The following COMMD1 variants were observed in gnomAD, a reference collection of about 807,000 sequenced individuals.
COMMD1 encodes the protein copper metabolism domain containing 1, also known as COMM domain-containing protein 1.
In COMMD1, 10 loss-of-function variants were observed where a neutral mutation model predicts 17.2. The ratio of observed to expected loss-of-function variants is 0.58; its 90% CI spans 0.36 to 0.99. The LOEUF is 0.99. Among genes scored for constraint, COMMD1 ranks in the 50% least tolerant of loss-of-function variants. The pLI is 0.01. For synonymous variants in COMMD1, 97 were observed against 91.6 expected (o/e 1.06, Z -0.34); for missense variants, 270 against 231.8 (o/e 1.17, Z -1.07).
Position 61,905,754 on chromosome 2 carries a change from G to C in COMMD1, c.76G>C (p.Gly26Arg), listed in dbSNP as rs1176138717. 2 of 1,613,868 alleles carry C rather than the reference G, an allele frequency of 1.2e-6. No individual in the cohort carries two copies. Among genetic ancestry groups the C allele is most frequent in the East Asian group, 2.2e-5 (1 of 44,886 alleles). ...TGCGCTGGCCCAGGACACTTTCCAC[G>C]GGTACCCCGGCATCACAGAGGAGCT... ...LNALAQDTFH[G>R]YPGITEELLR... The change falls in exon 1 of 3, where the codon GGG becomes CGG. Residue 26 changes from glycine (G) to arginine (R), a missense_variant. Physicochemically the swap from Gly to Arg is moderately radical, Grantham distance 125. Coordinates refer to ENST00000311832, the MANE Select transcript of COMMD1 (RefSeq NM_152516.4).
At chr2:62,117,486 G>C (rs974741768) in intron 2 of COMMD1, among the ~76,000 whole-genome samples, 1 of 152,194 alleles carries the variant, frequency 6.6e-6, no homozygotes, top group Non-Finnish European at 1.5e-5. Context: ...TAAGTGCTCA[G>C]GTCCTGAAGC....
At chr2:61,968,414 A>G (rs1360623253) in intron 1 of COMMD1, among the ~76,000 whole-genome samples, 1 of 152,254 alleles carries the variant, frequency 6.6e-6, no homozygotes, top group East Asian at 1.9e-4. Context: ...CCCAGAGAAT[A>G]CATTTGAAAC....
At chr2:61,906,429 A>G (rs1258446801) in intron 1 of COMMD1, among the ~76,000 whole-genome samples, 2 of 152,260 alleles carry the variant, frequency 1.3e-5, no homozygotes, top group African/African-American at 4.8e-5. Flanking sequence ...CAGAATAGCC[A>G]AAGTATTATC....
intron 1 of COMMD1, among the ~76,000 whole-genome samples, chr2:61,890,566 C>G (rs764055906): frequency 1.7e-4 from 26 of 152,030 alleles, no homozygotes; most frequent in Non-Finnish European, 3.5e-4. Flanking sequence ...AGGGGCCTGG[C>G]TCAGTAGCTC....
chr2:62,076,377 A>T (rs908942190), intron 2 of COMMD1, among the ~76,000 whole-genome samples: 3 of 152,242 alleles, frequency 2.0e-5, no homozygotes, highest in African/African-American at 7.2e-5. Context: ...ATAAAAGAGG[A>T]TGTCTTTGGC....
intron 2 of COMMD1, among the ~76,000 whole-genome samples, chr2:62,058,337 A>G (rs1670767685): frequency 6.6e-6 from 1 of 152,182 alleles, no homozygotes; most frequent in African/African-American, 2.4e-5. Flanking sequence ...AATCATAGTT[A>G]GAGATTTTTA....
chr2:61,960,113 A>ATGTGTGTG (rs70946771), intron 1 of COMMD1, among the ~76,000 whole-genome samples: 10 of 150,120 alleles, frequency 6.7e-5, no homozygotes, highest in African/African-American at 2.4e-4. Context: ...TTTGGAATAT[A>ATGTGTGTG]TGTGTGTGTG....
At chr2:61,920,622 C>G (rs1283017676) in intron 1 of COMMD1, among the ~76,000 whole-genome samples, 1 of 151,876 alleles carries the variant, frequency 6.6e-6, no homozygotes, top group Non-Finnish European at 1.5e-5. Flanking sequence ...AGAAAGGAGT[C>G]CTATTCAAAA....
chr2:62,051,840 A>G (rs924822724), intron 2 of COMMD1, among the ~76,000 whole-genome samples: 7 of 152,228 alleles, frequency 4.6e-5, no homozygotes, highest in African/African-American at 1.4e-4. Flanking sequence ...ACAGTTACCA[A>G]TGTGATTAGG....
At chr2:62,058,309 A>G (rs1670766791) in intron 2 of COMMD1, among the ~76,000 whole-genome samples, 1 of 152,214 alleles carries the variant, frequency 6.6e-6, no homozygotes, top group South Asian at 2.1e-4. Flanking sequence ...AGTTACTGTG[A>G]GAAGGATGTT....
intron 1 of COMMD1, chr2:61,918,571 G>A (rs997517896): frequency 3.3e-5 from 5 of 152,190 alleles, no homozygotes; most frequent in African/African-American, 1.2e-4. Flanking sequence ...TTTTCTCAAA[G>A]CAGCTATTCT....
intron 1 of COMMD1, among the ~76,000 whole-genome samples, chr2:61,917,861 A>G (rs1428226844): frequency 6.6e-6 from 1 of 152,242 alleles, no homozygotes. Flanking sequence ...ACATATGTTA[A>G]TAAGAAGTTA....
chr2:61,979,358 C>T (rs1573026009), intron 1 of COMMD1, among the ~76,000 whole-genome samples: 1 of 151,894 alleles, frequency 6.6e-6, no homozygotes, highest in Admixed American at 6.6e-5. Flanking sequence ...GTACCTGTAA[C>T]CCCAGCTACT....
intron 2 of COMMD1, among the ~76,000 whole-genome samples, chr2:62,103,627 G>A (rs1202231206): frequency 6.6e-6 from 1 of 152,094 alleles, no homozygotes; most frequent in African/African-American, 2.4e-5. Context: ...AATTCACTGG[G>A]CAGACCAATT....
At chr2:62,002,335 A>G (rs34232735) in intron 2 of COMMD1, among the ~76,000 whole-genome samples, 1 of 145,392 alleles carries the variant, frequency 6.9e-6, no homozygotes, top group Non-Finnish European at 1.5e-5. Flanking sequence ...TACTAAAAAC[A>G]CAAAAATTAG....
chr2:61,963,188 T>C lies in COMMD1; in HGVS notation c.181-37513T>C, dbSNP rs1671409307. ...AAAAAAAATATATATATATATATTA[T>C]ATACACACACACACACACACACACA... On this transcript the variant is annotated intron_variant, in intron 1 of 2. Coordinates refer to ENST00000311832, the MANE Select transcript of COMMD1 (RefSeq NM_152516.4). 3.1e-5 allele frequency among the ~76,000 whole-genome samples: 4 copies of C among 128,416 alleles called. No individual in the cohort carries two copies. In the South Asian group the frequency reaches 9.9e-4, roughly 32 times the overall value. The allele number at this position is 128,416 out of a possible 152,430, so 84.2% of individuals were successfully genotyped here. A position where few individuals can be genotyped will look rare whatever the true frequency, so the allele number is the denominator to read the frequency against.
intron 2 of COMMD1, among the ~76,000 whole-genome samples, chr2:62,046,997 A>T (rs1278620221): frequency 6.6e-6 from 1 of 152,228 alleles, no homozygotes; most frequent in Non-Finnish European, 1.5e-5. Context: ...GGAAGAAGAC[A>T]TTAAGAAACA....
chr2:61,891,898 C>G (rs1481200366), intron 1 of COMMD1, among the ~76,000 whole-genome samples: 1 of 151,564 alleles, frequency 6.6e-6, no homozygotes, highest in African/African-American at 2.4e-5. Flanking sequence ...GTGGCACAAT[C>G]TCGGCTCACT....
At chr2:61,942,372 G>A (rs1670772755) in intron 1 of COMMD1, among the ~76,000 whole-genome samples, 1 of 151,796 alleles carries the variant, frequency 6.6e-6, no homozygotes, top group East Asian at 1.9e-4. Flanking sequence ...CCAAAGTGCT[G>A]GGATTATAGG....
Sources: allele counts gnomAD v4.1 joint callset (sites outside exome capture counted in the v4.1 genomes callset), GRCh38; gene constraint gnomAD v4.1.1; transcripts MANE v1.5; gene names NCBI Gene and HGNC (gene_info 2026-07-23, HGNC 2026-07-21).